The following PDE1A variants were observed in gnomAD, a reference collection of about 807,000 sequenced individuals.
PDE1A encodes phosphodiesterase 1A, also known as dual specificity calcium/calmodulin-dependent 3',5'-cyclic nucleotide phosphodiesterase 1A.
A neutral mutation model predicts 61.7 loss-of-function variants in PDE1A; 35 were observed. The observed-to-expected ratio is 0.57, with a 90% CI of 0.43 to 0.75. The LOEUF (loss-of-function observed/expected upper bound fraction) is 0.75. Ranked by LOEUF, PDE1A falls within the 30% of genes least tolerant of loss-of-function variation. PDE1A has a pLI of 0.00. For synonymous variants in PDE1A, 232 were observed against 213.2 expected (o/e 1.09, Z -0.77); for missense variants, 597 against 630.6 (o/e 0.95, Z 0.57).
intron 7 of PDE1A, among the ~76,000 whole-genome samples, chr2:182,209,537 T>C (rs1361356809): frequency 1.3e-5 from 2 of 151,290 alleles, no homozygotes; most frequent in Admixed American, 6.6e-5. Flanking sequence ...ATGGTTTGGA[T>C]CTGTGTCCCC....
the PDE1A span, among the ~76,000 whole-genome samples, chr2:182,563,028 TG>T: frequency 6.6e-6 from 1 of 152,356 alleles, no homozygotes; most frequent in East Asian, 1.9e-4. Context: ...ATTAATTTTT[TG>T]AAGGGTTTTT....
chr2:182,415,290 T>C (rs1210475488), intron 1 of PDE1A, among the ~76,000 whole-genome samples: 1 of 152,060 alleles, frequency 6.6e-6, no homozygotes, highest in Non-Finnish European at 1.5e-5. Flanking sequence ...ATAAGTAAAA[T>C]ATTTTAAAAT....
chr2:182,705,113 T>C, the PDE1A span, among the ~76,000 whole-genome samples: 5 of 152,210 alleles, frequency 3.3e-5, no homozygotes, highest in African/African-American at 1.2e-4. Flanking sequence ...ACTTTAAAAA[T>C]GTACCATGTG....
At chr2:182,368,768 A>G (rs1310397210) in intron 1 of PDE1A, among the ~76,000 whole-genome samples, 1 of 152,108 alleles carries the variant, frequency 6.6e-6, no homozygotes, top group Non-Finnish European at 1.5e-5. Flanking sequence ...TCTGAGACTC[A>G]TTTTCCACAT....
intron 2 of PDE1A, among the ~76,000 whole-genome samples, chr2:182,519,100 A>G (rs1690393830): frequency 6.6e-6 from 1 of 152,098 alleles, no homozygotes; most frequent in Admixed American, 6.6e-5. Context: ...CATGGAAATC[A>G]ATGAAATTGA....
intron 1 of PDE1A, among the ~76,000 whole-genome samples, chr2:182,334,134 C>T (rs1055041103): frequency 1.3e-5 from 2 of 152,050 alleles, no homozygotes; most frequent in East Asian, 1.9e-4. Flanking sequence ...GATTCACAGC[C>T]GAATTCTACC....
chr2:182,262,596 C>T (rs751339329), intron 2 of PDE1A, among the ~76,000 whole-genome samples: 15 of 152,092 alleles, frequency 9.9e-5, no homozygotes, highest in Non-Finnish European at 1.2e-4. Context: ...ATAATTTCTC[C>T]AAGCTATGCT....
the PDE1A span, among the ~76,000 whole-genome samples, chr2:182,646,267 G>A: frequency 6.6e-6 from 1 of 151,536 alleles, no homozygotes; most frequent in Non-Finnish European, 1.5e-5. Context: ...GGCCAACGTG[G>A]TGAAACCCTG....
chr2:182,155,660 C>G (rs1691039127), intron 13 of PDE1A, among the ~76,000 whole-genome samples: 1 of 152,166 alleles, frequency 6.6e-6, no homozygotes, highest in South Asian at 2.1e-4. Context: ...GAGGCAGAGC[C>G]TGGTGGATCA....
chr2:182,451,192 C>A lies in PDE1A; in HGVS notation c.101+71084G>T, dbSNP rs577693685. 9.1e-3 allele frequency among the ~76,000 whole-genome samples: 261 copies of A among 28,590 alleles called. 95 individuals are homozygous for A. The highest frequency in any genetic ancestry group is 0.014 in the Non-Finnish European group (198 of 14,268). The allele number at this position is 28,590 out of a possible 152,430, so 18.8% of individuals were successfully genotyped here. On this transcript the variant is annotated intron_variant, in intron 2 of 14. Coordinates refer to the PDE1A transcript ENST00000410103. ...AGGAGATCGAGACCATCCCGGCTAA[C>A]ACGGTGAAACCCTGTCTCTACTAAA...
At chr2:182,709,837 C>G in the PDE1A span, among the ~76,000 whole-genome samples, 19 of 152,292 alleles carry the variant, frequency 1.2e-4, no homozygotes, top group Admixed American at 9.1e-4. Flanking sequence ...AAACATCTTT[C>G]TCTTCCCCAT....
chr2:182,402,251 A>C (rs1274084384), intron 1 of PDE1A, among the ~76,000 whole-genome samples: 1 of 152,190 alleles, frequency 6.6e-6, no homozygotes, highest in Non-Finnish European at 1.5e-5. Context: ...AGCTGGAGGC[A>C]TTATGCTACC....
At chr2:182,684,903 G>A in the PDE1A span, among the ~76,000 whole-genome samples, 6 of 151,774 alleles carry the variant, frequency 4.0e-5, no homozygotes, top group East Asian at 5.8e-4. Flanking sequence ...TCATATATAC[G>A]TATATAAATG....
At chr2:182,314,689 A>T (rs567365937) in intron 1 of PDE1A, 4 of 152,308 alleles carry the variant, frequency 2.6e-5, no homozygotes, top group Admixed American at 1.3e-4. Flanking sequence ...GAGGCCAGAG[A>T]AAAAACAAAG....
intron 3 of PDE1A, 110 bp downstream of exon 3, chr2:182,240,000 C>A: frequency 1.1e-6 from 1 of 898,036 alleles, no homozygotes; most frequent in Non-Finnish European, 1.6e-6. Flanking sequence ...TCATTATGAT[C>A]ACAGTTTTCG....
chr2:182,356,208 G>C (rs930815928), intron 1 of PDE1A, among the ~76,000 whole-genome samples: 3 of 152,044 alleles, frequency 2.0e-5, no homozygotes, highest in African/African-American at 7.2e-5. Flanking sequence ...ACTTTGGGAG[G>C]CTGAGGCAGG....
intron 1 of PDE1A, among the ~76,000 whole-genome samples, chr2:182,394,875 A>C (rs1376641085): frequency 1.3e-5 from 2 of 152,216 alleles, no homozygotes; most frequent in African/African-American, 4.8e-5. Context: ...CAGTAAATCA[A>C]AAACAATATC....
At chr2:182,215,189 C>A in intron 7 of PDE1A, among the ~76,000 whole-genome samples, 1 of 38,962 alleles carries the variant, frequency 2.6e-5, no homozygotes. Context: ...GAAATGAAGG[C>A]AGAAATAAAG....
At chr2:182,656,849 G>A in the PDE1A span, among the ~76,000 whole-genome samples, 6 of 152,106 alleles carry the variant, frequency 3.9e-5, no homozygotes, top group Admixed American at 3.9e-4. Flanking sequence ...CCAGACTTAG[G>A]ATGGTGTGAT....
Sources: allele counts gnomAD v4.1 joint callset (sites outside exome capture counted in the v4.1 genomes callset), GRCh38; gene constraint gnomAD v4.1.1; transcripts MANE v1.5; gene names NCBI Gene and HGNC (gene_info 2026-07-23, HGNC 2026-07-21).